The following ADRM1 variants were observed in gnomAD, a reference collection of about 807,000 sequenced individuals.
ADRM1 encodes ADRM1 26S proteasome ubiquitin receptor, also known as proteasomal ubiquitin receptor ADRM1.
ADRM1 carries 2 observed loss-of-function variants against 40.1 expected under a neutral mutation model. The observed-to-expected ratio is 0.05, with a 90% CI of 0.02 to 0.16. ADRM1 has a LOEUF of 0.16. Among genes scored for constraint, ADRM1 ranks in the 10% least tolerant of loss-of-function variants. The pLI, the probability that ADRM1 is intolerant of heterozygous loss-of-function variation, is 1.00. For missense variants in ADRM1, 467 were observed against 552.5 expected, an observed-to-expected ratio of 0.85 and a Z score of 1.55; for synonymous variants, 287 against 240.4, an observed-to-expected ratio of 1.19 and a Z score of -1.79.
chr20:62,304,187 A>G, intron 2 of ADRM1: 2 of 505,250 alleles, frequency 4.0e-6, no homozygotes, highest in Non-Finnish European at 3.6e-6. Context: ...TGACTTTTTA[A>G]CTACTCTGGG....
chr20:62,305,179 A>G (rs1055566487), intron 3 of ADRM1, among the ~76,000 whole-genome samples: 3 of 152,218 alleles, frequency 2.0e-5, no homozygotes, highest in Admixed American at 6.5e-5. Flanking sequence ...ATCATTTTCC[A>G]TAAGCCAGTA....
At position 62,306,447 on chromosome 20, in the gene ADRM1, T is replaced by C. The variant is rs771315760; in HGVS notation, c.454+127T>C. On this transcript the variant is annotated intron_variant, in intron 4 of 9. Transcript: ENST00000253003. Reference sequence around the variant, plus strand: ...AGAAGATTCTAAAAGTTAGAGACCCTGTGAGCTCCCTGGGTCACTCCCCAC... The same window carrying C: ...AGAAGATTCTAAAAGTTAGAGACCCCGTGAGCTCCCTGGGTCACTCCCCAC... 3.4e-6 allele frequency: 5 copies of C among 1,482,162 alleles called. No individual in the cohort carries two copies. The African/African-American group carries it at 5.5e-5, about 16-fold the overall frequency. 91.8% of individuals were successfully genotyped at this position (1,482,162 alleles called of 1,614,324 possible). A position where few individuals can be genotyped will look rare whatever the true frequency, so the allele number is the denominator to read the frequency against.
At position 62,308,122 on chromosome 20, in the gene ADRM1, C is replaced by T. The variant is rs545099481; in HGVS notation, c.958C>T (p.Leu320=). The T allele has an allele frequency of 5.0e-6, 8 of 1,610,558 alleles. No homozygotes were observed. The Admixed American group carries it at 8.3e-5, about 17-fold the overall frequency. ...TCCCTACTTGCCATCTGGGGAGTCG[C>T]TGCCGCAGACCGCGGATGAGATCCA... The part of the protein sequence containing the change: ...LLPYLPSGES[L]PQTADEIQNT... Residue 320 remains leucine, a synonymous_variant, in exon 8 of 10, where the codon CTG becomes TTG. Transcript: ENST00000253003.
Position 62,306,667 on chromosome 20 carries a change from C to T in ADRM1, c.474C>T (p.Ser158=). Residue 158 remains serine, a synonymous_variant, in exon 5 of 10, where the codon AGC becomes AGT. Transcript: ENST00000253003. ...SALGGEGGLQ[S]LLGNMSHSQL... is the part of the protein sequence containing the mutation. Reference sequence around the variant, plus strand: ...TTCCAGGTGAGGGTGGCCTGCAGAGCCTGCTGGGAAACATGAGCCACAGCC... The same window carrying T: ...TTCCAGGTGAGGGTGGCCTGCAGAGTCTGCTGGGAAACATGAGCCACAGCC... 6.2e-7 allele frequency: 1 copy of T among 1,609,510 alleles called. No homozygotes were observed. Among genetic ancestry groups the T allele is most frequent in the South Asian group, 1.1e-5 (1 of 90,470 alleles).
In ADRM1 at chr20:62,307,409, T is replaced by A. The variant is rs1240521993; in HGVS notation, c.580T>A (p.Leu194Ile). Residue 194 changes from leucine to isoleucine, a missense_variant, in exon 6 of 10, where the codon TTA becomes ATA. Leu to Ile is a conservative substitution (Grantham distance 5, BLOSUM62 2). Around this residue, in one of 3 missense-constraint regions of ADRM1, gnomAD observed 418 missense variants for 474.6 expected, o/e 0.88. Coordinates refer to ENST00000253003, the MANE Select transcript of ADRM1 (RefSeq NM_007002.4). Reference sequence around the variant, plus strand: ...CCTGACTGGACCTGGCCTGGCCAGCTTACTGGGGAGCAGTGGGCCTCCAGG... The same window carrying A: ...CCTGACTGGACCTGGCCTGGCCAGCATACTGGGGAGCAGTGGGCCTCCAGG... ...GALTGPGLAS[L>I]LGSSGPPGSS... 2 of 1,605,798 alleles carry A rather than the reference T, an allele frequency of 1.2e-6. No homozygotes were observed. Among genetic ancestry groups the A allele is most frequent in the African/African-American group, 2.7e-5 (2 of 74,444 alleles).
In ADRM1 at chr20:62,308,136, G is replaced by C. The variant is rs757289232; in HGVS notation, c.972G>C (p.Ala324=). 6.8e-6 allele frequency: 11 copies of C among 1,608,904 alleles called. No homozygotes were observed. The East Asian group carries it at 2.5e-4, about 36-fold the overall frequency. Residue 324 remains alanine, a synonymous_variant, in exon 8 of 10, where the codon GCG becomes GCC. Coordinates refer to ENST00000253003, the MANE Select transcript of ADRM1 (RefSeq NM_007002.4). ...CTGGGGAGTCGCTGCCGCAGACCGC[G>C]GATGAGATCCAGAATACCCTGACCT... ...LPSGESLPQT[A]DEIQNTLTSP...
intron 3 of ADRM1, 67 bp downstream of exon 3, chr20:62,304,644 G>A (rs1052586764): frequency 4.0e-6 from 6 of 1,501,244 alleles, no homozygotes; most frequent in East Asian, 2.3e-5. Flanking sequence ...CTTGCTTACA[G>A]TGTGGTGCAA....
chr20:62,303,299 C>G (rs894495459), intron 1 of ADRM1: 11 of 301,880 alleles, frequency 3.6e-5, no homozygotes, highest in African/African-American at 2.4e-4. Context: ...GCCGGGGTGG[C>G]GCGTCGAGGC....
At chr20:62,303,376 C>T in intron 1 of ADRM1, 192 bp from the exon 2 acceptor site, 1 of 578,630 alleles carries the variant, frequency 1.7e-6, no homozygotes, top group Non-Finnish European at 3.0e-6. Context: ...GCTGCCCCGG[C>T]CCAGCGCCGA....
At chr20:62,305,982 C>A in intron 3 of ADRM1, 2 of 579,614 alleles carry the variant, frequency 3.5e-6, no homozygotes, top group Non-Finnish European at 6.0e-6. Context: ...GGGATTGCGG[C>A]GGATGGGGAC....
chr20:62,306,590 G>A lies in ADRM1; in HGVS notation c.455-58G>A, dbSNP rs569506811. 7.3e-6 allele frequency: 11 copies of A among 1,515,994 alleles called. 1 individual carries two copies. Among genetic ancestry groups the A allele is most frequent in the South Asian group, 2.4e-5 (2 of 82,834 alleles). The allele number at this position is 1,515,994 out of a possible 1,614,324, so 93.9% of individuals were successfully genotyped here. The stretch of plus-strand genomic sequence containing the variant: ...TGCTCAGCAGAGGCGCAGGCAGTGC[G>A]GTGGGGCCCGCGTGGATCTGGCTGG... On this transcript the variant is annotated intron_variant, in intron 4 of 9. Transcript: ENST00000253003.
At position 62,308,411 on chromosome 20, in the gene ADRM1, G is replaced by C. The variant is rs1411195284; in HGVS notation, c.1058G>C (p.Gly353Ala). 1.9e-6 allele frequency: 3 copies of C among 1,609,656 alleles called. No individual in the cohort carries two copies. The South Asian group carries it at 3.3e-5, about 18-fold the overall frequency. Reference sequence around the variant, plus strand: ...GCAGCCTTGGCCTCGGGGCAGCTGGGCCCCCTCATGTGCCAGTTCGGTCTG... The same window carrying C: ...GCAGCCTTGGCCTCGGGGCAGCTGGCCCCCCTCATGTGCCAGTTCGGTCTG... ...FSAALASGQLGPLMCQFGLPA... is the reference protein window; with the variant it reads ...FSAALASGQLAPLMCQFGLPA... The change falls in exon 9 of 10, where the codon GGC (glycine) becomes GCC (alanine). Residue 353 changes from glycine (G) to alanine (A), a missense_variant. Physicochemically the swap from Gly to Ala is moderately conservative, Grantham distance 60. This residue lies in a region of ADRM1 where 418 missense variants were observed against 474.6 expected (regional missense o/e 0.88). Coordinates refer to ENST00000253003, the MANE Select transcript of ADRM1 (RefSeq NM_007002.4).
At position 62,307,351 on chromosome 20, in the gene ADRM1, C is replaced by A. The variant is rs747334522; in HGVS notation, c.542-20C>A. The A allele has an allele frequency of 2.5e-6, 4 of 1,595,144 alleles. No homozygotes were observed. The highest frequency in any genetic ancestry group is 2.2e-5 in the South Asian group (2 of 88,948). ...TGGGCTAGAGGGCATCCTGAGCTCG[C>A]ATTTCCTTGCCCCTCGCAGGTGGGC... On this transcript the variant is annotated intron_variant, in intron 5 of 9. Transcript: ENST00000253003.
Position 62,308,035 on chromosome 20 carries a change from G to A in ADRM1, c.871G>A (p.Val291Met), listed in dbSNP as rs775875114. The A allele has an allele frequency of 6.2e-7, 1 of 1,610,316 alleles. No individual in the cohort carries two copies. Among genetic ancestry groups the A allele is most frequent in the African/African-American group, 1.3e-5 (1 of 74,928 alleles). The change falls in exon 8 of 10, where the codon GTG becomes ATG. Residue 291 changes from valine to methionine, a missense_variant. By Grantham distance (21) the Val-to-Met change is conservative. Coordinates refer to ENST00000253003, the MANE Select transcript of ADRM1 (RefSeq NM_007002.4). ...TTGTGCCCCAGTGGACCTGGCCAGT[G>A]TGCTGACGCCGGAGATAATGGCTCC... ...AGGQQVDLAS[V>M]LTPEIMAPIL...
Position 62,306,695 on chromosome 20 carries a change from C to G in ADRM1, c.502C>G (p.Leu168Val). The G allele has an allele frequency of 6.2e-7, 1 of 1,610,010 alleles. No individual in the cohort carries two copies. The highest frequency in any genetic ancestry group is 8.5e-7 in the Non-Finnish European group (1 of 1,178,640). ...GCTGGGAAACATGAGCCACAGCCAGCTCATGCAGCTCATCGGACCAGCCGG... is the reference window on the plus strand; with the variant it reads ...GCTGGGAAACATGAGCCACAGCCAGGTCATGCAGCTCATCGGACCAGCCGG... ...SLLGNMSHSQ[L>V]MQLIGPAGLG... Residue 168 changes from leucine to valine, a missense_variant, in exon 5 of 10, where the codon CTC becomes GTC. This residue lies in a region of ADRM1 where 418 missense variants were observed against 474.6 expected (regional missense o/e 0.88). Coordinates refer to ENST00000253003, the MANE Select transcript of ADRM1 (RefSeq NM_007002.4).
chr20:62,306,531 GC>G, intron 4 of ADRM1, 116 bp from the exon 5 acceptor site: 1 of 1,291,552 alleles, frequency 7.7e-7, no homozygotes, highest in Non-Finnish European at 1.1e-6. Flanking sequence ...TTCAAGTGGT[GC>G]CCCCTGTAGG....
rs1287508004 is a variant in ADRM1 at position 62,308,228 on chromosome 20, AG to A, written c.1014+56del. The A allele has an allele frequency of 5.1e-6, 8 of 1,563,300 alleles. No individual in the cohort carries two copies. The Admixed American group carries it at 5.3e-5, about 10-fold the overall frequency. On this transcript the variant is annotated intron_variant, in intron 8 of 9. Transcript: ENST00000253003. ...TCCACTGTGTGCTCAGGGAGTGGGCAGGGGGGAGGAGGAGGCCCTGCCCCAC... is the reference window on the plus strand; with the variant it reads ...TCCACTGTGTGCTCAGGGAGTGGGCAGGGGGAGGAGGAGGCCCTGCCCCAC...
chr20:62,306,658 C>T lies in ADRM1; in HGVS notation c.465C>T (p.Gly155=). 3 of 1,608,064 alleles carry T rather than the reference C, an allele frequency of 1.9e-6. No homozygotes were observed. The highest frequency in any genetic ancestry group is 1.7e-6 in the Non-Finnish European group (2 of 1,177,822). The stretch of plus-strand genomic sequence containing the variant: ...TGCAGTGTTTTCCAGGTGAGGGTGG[C>T]CTGCAGAGCCTGCTGGGAAACATGA... The part of the protein sequence containing the change: ...HELSALGGEG[G]LQSLLGNMSH... The change falls in exon 5 of 10, where the codon GGC becomes GGT. Residue 155 remains glycine, a synonymous_variant. Transcript: ENST00000253003.
Position 62,306,024 on chromosome 20 carries a change from A to C in ADRM1, c.331-173A>C, listed in dbSNP as rs575347530. On this transcript the variant is annotated intron_variant, in intron 3 of 9. Coordinates refer to ENST00000253003, the MANE Select transcript of ADRM1 (RefSeq NM_007002.4). ...CAGAGCATCGTGCTCAGGAGGCGCC[A>C]CTGCCGTCCCCTCACCTGCTGGGCC... 7.5e-5 allele frequency: 59 copies of C among 789,850 alleles called. No homozygotes were observed. In the African/African-American group the frequency reaches 1.0e-3, roughly 14 times the overall value. 48.9% of individuals were successfully genotyped at this position (789,850 alleles called of 1,614,324 possible).
Sources: gnomAD v4.1 joint callset for allele counts (sites outside exome capture counted in the v4.1 genomes callset) on GRCh38, gnomAD v4.1.1 for gene constraint, gnomAD v4.1.1 regional missense constraint, MANE v1.5 for transcripts, NCBI Gene and HGNC (gene_info 2026-07-23, HGNC 2026-07-21) for gene names.